SMAD6: variants seen among roughly 807,000 people sequenced by gnomAD.
SMAD6 encodes the protein MAD homolog 6.
In SMAD6, 103 loss-of-function variants were observed where a neutral mutation model predicts 39.4. The observed-to-expected ratio is 2.62, with a 90% CI of 2.23 to 3.08. The LOEUF (loss-of-function observed/expected upper bound fraction) is 3.08, where lower values mean the gene tolerates loss of function less well. Ranked by LOEUF, SMAD6 falls within the 30% of genes most tolerant of loss-of-function variation. SMAD6 has a pLI of 0.00. For synonymous variants in SMAD6, 445 were observed against 353.3 expected (o/e 1.26, Z -2.91); for missense variants, 1,104 against 742.9 (o/e 1.49, Z -5.65).
At position 66,702,983 on chromosome 15, in the gene SMAD6, T is replaced by G; in HGVS notation, c.-276T>G. 1.3e-5 allele frequency: 4 copies of G among 305,108 alleles called. No homozygotes were observed. Among genetic ancestry groups the G allele is most frequent in the Non-Finnish European group, 6.1e-6 (1 of 163,670 alleles). 18.9% of individuals were successfully genotyped at this position (305,108 alleles called of 1,614,324 possible). On this transcript the variant is annotated 5_prime_UTR_variant, in exon 1 of 4. Coordinates refer to ENST00000288840, the MANE Select transcript of SMAD6 (RefSeq NM_005585.5). ...CCCTAAAGCGCGGGGGCTGGAGTTG[T>G]TGAGCAGCCCCGCCGCTGTGGTCCA...
chr15:66,773,399 C>A (rs1161593931), intron 3 of SMAD6, among the ~76,000 whole-genome samples: 1 of 152,062 alleles, frequency 6.6e-6, no homozygotes, highest in Non-Finnish European at 1.5e-5. Flanking sequence ...CCTCCCTTCA[C>A]AAAGAAAAGA....
At chr15:66,761,568 A>C (rs923355199) in intron 3 of SMAD6, among the ~76,000 whole-genome samples, 1 of 152,152 alleles carries the variant, frequency 6.6e-6, no homozygotes, top group Non-Finnish European at 1.5e-5. Flanking sequence ...CACCAGGATT[A>C]TTTGTCTCCG....
chr15:66,716,565 G>T, intron 3 of SMAD6, 67 bp downstream of exon 3: 1 of 1,191,732 alleles, frequency 8.4e-7, no homozygotes, highest in Non-Finnish European at 1.3e-6. Context: ...TGCGGAGGGG[G>T]CTTGGTGGAA....
At chr15:66,730,324 G>A (rs991671604) in intron 3 of SMAD6, among the ~76,000 whole-genome samples, 8 of 152,108 alleles carry the variant, frequency 5.3e-5, no homozygotes, top group African/African-American at 1.4e-4. Flanking sequence ...CTGATTTGTC[G>A]GTAAGGTTCA....
At chr15:66,718,419 A>G (rs1182066761) in intron 3 of SMAD6, among the ~76,000 whole-genome samples, 1 of 152,190 alleles carries the variant, frequency 6.6e-6, no homozygotes. Flanking sequence ...GGTGGTGAGA[A>G]GGTCCCTGCT....
chr15:66,781,567 G>A lies in SMAD6; in HGVS notation c.*32G>A, dbSNP rs752431461. On this transcript the variant is annotated 3_prime_UTR_variant, in exon 4 of 4. Coordinates refer to ENST00000288840, the MANE Select transcript of SMAD6 (RefSeq NM_005585.5). ...CCCCGGCGGGAGGGGCGGGTGGGAG[G>A]CCGCGGCCACCGCCACCTGCCGGCC... 24 of 1,454,428 alleles carry A rather than the reference G, an allele frequency of 1.7e-5. No individual in the cohort carries two copies. Among genetic ancestry groups the A allele is most frequent in the Middle Eastern group, 1.8e-4 (1 of 5,498 alleles). 90.1% of individuals were successfully genotyped at this position (1,454,428 alleles called of 1,614,324 possible).
At chr15:66,740,288 A>AT (rs1893791032) in intron 3 of SMAD6, among the ~76,000 whole-genome samples, 2 of 152,190 alleles carry the variant, frequency 1.3e-5, no homozygotes, top group African/African-American at 4.8e-5. Flanking sequence ...CTGGGCATGA[A>AT]TTGAAGGCTC....
At chr15:66,773,976 A>C (rs1403767295) in intron 3 of SMAD6, among the ~76,000 whole-genome samples, 1 of 152,134 alleles carries the variant, frequency 6.6e-6, no homozygotes, top group Non-Finnish European at 1.5e-5. Context: ...GTGGGTGTGA[A>C]GCAGCAGCAA....
chr15:66,734,452 G>T (rs1370986666), intron 3 of SMAD6, among the ~76,000 whole-genome samples: 1 of 152,208 alleles, frequency 6.6e-6, no homozygotes, highest in East Asian at 1.9e-4. Context: ...GGGAGCGGAG[G>T]TCGAGGGAGG....
intron 3 of SMAD6, among the ~76,000 whole-genome samples, chr15:66,767,439 C>T (rs1450370982): frequency 3.3e-5 from 5 of 152,164 alleles, no homozygotes; most frequent in African/African-American, 4.8e-5. Flanking sequence ...GGTTAGCTCC[C>T]TCCCTCCTTT....
chr15:66,731,209 C>T (rs1419641595), intron 3 of SMAD6, among the ~76,000 whole-genome samples: 5 of 151,870 alleles, frequency 3.3e-5, no homozygotes, highest in Middle Eastern at 3.2e-3. Flanking sequence ...GAGGCCGAGG[C>T]GGGCGGATCA....
chr15:66,728,024 T>G (rs187623607), intron 3 of SMAD6, among the ~76,000 whole-genome samples: 1 of 152,214 alleles, frequency 6.6e-6, no homozygotes, highest in African/African-American at 2.4e-5. Context: ...CAGCTAATTT[T>G]GTATTTTTAG....
chr15:66,779,209 C>A (rs1365983774), intron 3 of SMAD6, among the ~76,000 whole-genome samples: 1 of 152,160 alleles, frequency 6.6e-6, no homozygotes, highest in Non-Finnish European at 1.5e-5. Context: ...AGCCTAGTGA[C>A]CTCCCAAGGG....
chr15:66,778,257 G>GT (rs34640145), intron 3 of SMAD6, among the ~76,000 whole-genome samples: 9 of 151,990 alleles, frequency 5.9e-5, no homozygotes, highest in Non-Finnish European at 1.3e-4. Context: ...ATTTTTAAAA[G>GT]TTTTTTTAGA....
In SMAD6 at chr15:66,703,456, G is replaced by A; in HGVS notation, c.198G>A (p.Arg66=). 2 of 1,272,058 alleles carry A rather than the reference G, an allele frequency of 1.6e-6. No homozygotes were observed. The highest frequency in any genetic ancestry group is 2.0e-6 in the Non-Finnish European group (2 of 1,005,674). 78.8% of individuals were successfully genotyped at this position (1,272,058 alleles called of 1,614,324 possible). Residue 66 remains arginine, a synonymous_variant, in exon 1 of 4, where the codon CGG becomes CGA. Coordinates refer to ENST00000288840, the MANE Select transcript of SMAD6 (RefSeq NM_005585.5). ...CCGAAGTCCGCCCGGTAGCCCCGCG[G>A]CGGCCCCGGGACGCAGTGGGACAGC... ...GRSEVRPVAP[R]RPRDAVGQRG...
intron 3 of SMAD6, among the ~76,000 whole-genome samples, chr15:66,719,751 A>G (rs1893398568): frequency 6.6e-6 from 1 of 152,242 alleles, no homozygotes; most frequent in Non-Finnish European, 1.5e-5. Context: ...ATGAGTGGGC[A>G]GGGCGAGGGG....
intron 3 of SMAD6, among the ~76,000 whole-genome samples, chr15:66,755,598 T>C (rs1442064894): frequency 6.6e-6 from 1 of 152,142 alleles, no homozygotes; most frequent in Non-Finnish European, 1.5e-5. Context: ...ATCTTCAGTG[T>C]TGAAGGCTGT....
At chr15:66,706,157 T>C in intron 1 of SMAD6, 1 of 152,262 alleles carries the variant, frequency 6.6e-6, no homozygotes, top group East Asian at 1.9e-4. Context: ...TTCTTGACCA[T>C]GGACCTGGTC....
At position 66,703,391 on chromosome 15, in the gene SMAD6, C is replaced by G. The variant is rs1893021987; in HGVS notation, c.133C>G (p.Pro45Ala). The change falls in exon 1 of 4, where the codon CCG (proline) becomes GCG (alanine). Residue 45 changes from proline (P) to alanine (A), a missense_variant. By Grantham distance (27) the Pro-to-Ala change is conservative. Transcript: ENST00000288840. ...EDGSLGSRAE[P>A]APRAREGGGC... ...TGGGAGCTTGGGCAGCCGAGCTGAG[C>G]CGGCCCCGCGGGCAAGAGAGGGCGG... 2.1e-6 allele frequency: 3 copies of G among 1,414,838 alleles called. No homozygotes were observed. The highest frequency in any genetic ancestry group is 5.1e-4 in the Middle Eastern group (2 of 3,890). 87.6% of individuals were successfully genotyped at this position (1,414,838 alleles called of 1,614,324 possible).
Sources: gnomAD v4.1 joint callset for allele counts (sites outside exome capture counted in the v4.1 genomes callset) on GRCh38, gnomAD v4.1.1 for gene constraint, MANE v1.5 for transcripts, NCBI Gene and HGNC (gene_info 2026-07-23, HGNC 2026-07-21) for gene names.